COL22A1: variants seen among roughly 807,000 people sequenced by gnomAD.
COL22A1 encodes collagen alpha-1(XXII) chain.
In COL22A1, 221 loss-of-function variants were observed where a neutral mutation model predicts 248.9. The ratio of observed to expected loss-of-function variants is 0.89; its 90% CI spans 0.80 to 0.99. The LOEUF (loss-of-function observed/expected upper bound fraction) is 0.99. Among genes scored for constraint, COL22A1 ranks in the 50% least tolerant of loss-of-function variants. COL22A1 has a pLI of 0.00. For synonymous variants in COL22A1, 891 were observed against 793.4 expected (o/e 1.12, Z -2.07); for missense variants, 2,240 against 2,179.0 (o/e 1.03, Z -0.56).
intron 3 of COL22A1, among the ~76,000 whole-genome samples, chr8:138,863,657 C>CT (rs1822651894): frequency 6.6e-6 from 1 of 152,186 alleles, no homozygotes; most frequent in Non-Finnish European, 1.5e-5. Context: ...TGCGGGGAGC[C>CT]TGCAGGGCTC....
intron 53 of COL22A1, among the ~76,000 whole-genome samples, chr8:138,617,553 C>G (rs539650977): frequency 3.9e-5 from 6 of 152,228 alleles, no homozygotes; most frequent in African/African-American, 1.4e-4. Flanking sequence ...AAGATTAAAC[C>G]ATTAGCAGAG....
At chr8:138,631,310 C>T (rs1009315810) in intron 49 of COL22A1, among the ~76,000 whole-genome samples, 1 of 152,158 alleles carries the variant, frequency 6.6e-6, no homozygotes, top group Admixed American at 6.5e-5. Context: ...TGTGCTTCTG[C>T]CTCTTCATCA....
chr8:138,649,591 G>A, intron 46 of COL22A1, 74 bp downstream of exon 46: 1 of 1,550,004 alleles, frequency 6.5e-7, no homozygotes, highest in African/African-American at 1.4e-5. Flanking sequence ...AGAGGCAGAT[G>A]GGGCAATACT....
chr8:138,636,677 A>T, intron 48 of COL22A1, 65 bp downstream of exon 48: 1 of 1,176,854 alleles, frequency 8.5e-7, no homozygotes, highest in South Asian at 1.3e-5. Flanking sequence ...GTACAATGGA[A>T]GCCACCTGGG....
chr8:138,700,707 G>A (rs1164810069), intron 31 of COL22A1, among the ~76,000 whole-genome samples: 3 of 152,202 alleles, frequency 2.0e-5, no homozygotes, highest in Admixed American at 2.0e-4. Flanking sequence ...AGGCTAGGTC[G>A]GGCGCGGTGG....
intron 1 of COL22A1, among the ~76,000 whole-genome samples, chr8:138,909,022 G>GACA (rs1344572981): frequency 6.6e-6 from 1 of 152,192 alleles, no homozygotes; most frequent in Non-Finnish European, 1.5e-5. Context: ...GAGGAAACTG[G>GACA]ACAAGCTGCC....
intron 30 of COL22A1, among the ~76,000 whole-genome samples, chr8:138,713,727 G>A (rs1216010208): frequency 2.0e-5 from 3 of 148,576 alleles, no homozygotes; most frequent in African/African-American, 7.9e-5. Flanking sequence ...CCGCCCCGCC[G>A]TAGGGGGTTC....
intron 5 of COL22A1, chr8:138,827,026 G>A (rs945819713): frequency 3.9e-5 from 18 of 464,896 alleles, no homozygotes; most frequent in African/African-American, 7.8e-5. Flanking sequence ...CCTATGGTGC[G>A]TCTGCTTCCA....
At chr8:138,663,561 T>C in intron 42 of COL22A1, 144 bp downstream of exon 42, 3 of 679,698 alleles carry the variant, frequency 4.4e-6, no homozygotes, top group Non-Finnish European at 8.0e-6. Flanking sequence ...TCAGAGTTCA[T>C]AGGTTGGACA....
At chr8:138,726,378 T>A (rs1192197659) in intron 23 of COL22A1, among the ~76,000 whole-genome samples, 3 of 151,496 alleles carry the variant, frequency 2.0e-5, no homozygotes, top group South Asian at 2.1e-4. Context: ...TTGCCTGTAG[T>A]CCCAGCTACT....
At chr8:138,879,837 T>TAAAACAAAACAAAAC (rs146542704) in intron 2 of COL22A1, among the ~76,000 whole-genome samples, 13,634 of 149,974 alleles carry the variant, frequency 0.091, 748 homozygotes, top group Non-Finnish European at 0.11. Flanking sequence ...CATTTGGCTA[T>TAAAACAAAACAAAAC]AAAACAAAAC....
rs535530007 is a variant in COL22A1 at position 138,855,221 on chromosome 8, C to T, written c.659-11063G>A. ...TGCTTATTATGTGACAACCATCTTT[C>T]AATTCACTTTGCATACATATCAATT... On this transcript the variant is annotated intron_variant, in intron 3 of 64. Transcript: ENST00000303045. 2.0e-5 allele frequency among the ~76,000 whole-genome samples: 3 copies of T among 152,352 alleles called. No homozygotes were observed. The South Asian group carries it at 6.2e-4, about 32-fold the overall frequency.
chr8:138,699,505 G>A (rs369284324), intron 32 of COL22A1, among the ~76,000 whole-genome samples: 3 of 152,322 alleles, frequency 2.0e-5, no homozygotes. Context: ...AAGAGATCCT[G>A]AAAACACCTA....
intron 3 of COL22A1, among the ~76,000 whole-genome samples, chr8:138,847,557 T>C (rs1441487908): frequency 1.3e-4 from 20 of 152,190 alleles, no homozygotes; most frequent in Admixed American, 1.3e-3. Flanking sequence ...CAGCTAGGGA[T>C]GGATGTGTGA....
intron 46 of COL22A1, among the ~76,000 whole-genome samples, chr8:138,647,445 C>T (rs1349890233): frequency 6.6e-6 from 1 of 152,144 alleles, no homozygotes; most frequent in Non-Finnish European, 1.5e-5. Context: ...ATAACTAATA[C>T]AGTTGAGAAG....
At chr8:138,696,096 G>A (rs916751382) in intron 32 of COL22A1, among the ~76,000 whole-genome samples, 1 of 152,170 alleles carries the variant, frequency 6.6e-6, no homozygotes, top group Admixed American at 6.5e-5. Context: ...AAGGTCAATG[G>A]TACAGAGAAG....
At chr8:138,858,649 C>G (rs1180251658) in intron 3 of COL22A1, among the ~76,000 whole-genome samples, 1 of 152,076 alleles carries the variant, frequency 6.6e-6, no homozygotes, top group Non-Finnish European at 1.5e-5. Flanking sequence ...TCTACAGGCT[C>G]AGAGAGGAGG....
intron 5 of COL22A1, 49 bp from the exon 6 acceptor site, chr8:138,826,830 G>A: frequency 6.2e-7 from 1 of 1,605,978 alleles, no homozygotes; most frequent in Non-Finnish European, 8.5e-7. Context: ...TGAGAGCAGG[G>A]AGCCAGCAAA....
chr8:138,661,109 G>GACAC (rs1564159487), intron 43 of COL22A1, among the ~76,000 whole-genome samples: 14 of 25,048 alleles, frequency 5.6e-4, no homozygotes, highest in African/African-American at 9.0e-4. Flanking sequence ...CACACACACA[G>GACAC]ACACACACAC....
Sources: allele counts gnomAD v4.1 joint callset (sites outside exome capture counted in the v4.1 genomes callset), GRCh38; gene constraint gnomAD v4.1.1; transcripts MANE v1.5; gene names NCBI Gene and HGNC (gene_info 2026-07-23, HGNC 2026-07-21).